Variants in ADGRL2 observed in about 807,000 individuals in gnomAD.
The protein encoded by ADGRL2 is adhesion G protein-coupled receptor L2, also known as calcium-independent alpha-latrotoxin receptor 2.
A neutral mutation model predicts 157.4 loss-of-function variants in ADGRL2; 44 were observed. The ratio of observed to expected loss-of-function variants is 0.28; its 90% CI spans 0.22 to 0.36. The LOEUF (loss-of-function observed/expected upper bound fraction) is 0.36, where lower values mean the gene tolerates loss of function less well. Among genes scored for constraint, ADGRL2 ranks in the 10% least tolerant of loss-of-function variants. ADGRL2 has a pLI of 1.00. For synonymous variants in ADGRL2, 585 were observed against 624.7 expected (o/e 0.94, Z 0.95); for missense variants, 1,510 against 1,768.9 (o/e 0.85, Z 2.63).
chr1:81,777,620 C>A (rs12087281), intron 2 of ADGRL2, among the ~76,000 whole-genome samples: 30,399 of 151,792 alleles, frequency 0.2, 3,322 homozygotes, highest in African/African-American at 0.29. Context: ...AAAATTAGCC[C>A]GGTGTCATGG....
chr1:81,609,591 G>A lies in ADGRL2; in HGVS notation c.-143+28611G>A, dbSNP rs74905343. On this transcript the variant is annotated intron_variant, in intron 3 of 24. Transcript: ENST00000370721. ...AAGCATGAGAGAGTTGATAAAACCC[G>A]TTCTGTGTCTTGATGGAGCACCACC... Among the ~76,000 whole-genome samples, 1,316 of 152,242 alleles carry A rather than the reference G, an allele frequency of 8.6e-3. 6 individuals are homozygous for A. The highest frequency in any genetic ancestry group is 0.017 in the Middle Eastern group (5 of 294).
intron 3 of ADGRL2, among the ~76,000 whole-genome samples, chr1:81,661,163 G>T (rs1456098097): frequency 1.3e-5 from 2 of 150,342 alleles, no homozygotes; most frequent in Non-Finnish European, 1.5e-5. Context: ...AATATCTTAG[G>T]TGTTTAAAGT....
At chr1:81,428,866 G>A (rs181595167) in intron 1 of ADGRL2, among the ~76,000 whole-genome samples, 1 of 152,264 alleles carries the variant, frequency 6.6e-6, no homozygotes, top group East Asian at 1.9e-4. Flanking sequence ...AAAGGGGAGA[G>A]AGAGGGACAG....
chr1:81,746,963 T>C (rs1557615493), intron 1 of ADGRL2, among the ~76,000 whole-genome samples: 2 of 120,364 alleles, frequency 1.7e-5, no homozygotes, highest in Admixed American at 7.7e-5. Flanking sequence ...TATACGTATA[T>C]ACACACGTAT....
At chr1:81,582,701 A>G (rs1289866196) in intron 3 of ADGRL2, among the ~76,000 whole-genome samples, 2 of 152,196 alleles carry the variant, frequency 1.3e-5, no homozygotes, top group East Asian at 1.9e-4. Context: ...AGCAAGTACT[A>G]TTAAAGTCAT....
Position 81,626,645 on chromosome 1 carries a change from C to T in ADGRL2, c.-143+45665C>T, listed in dbSNP as rs147232271. On this transcript the variant is annotated intron_variant, in intron 3 of 24. Coordinates refer to the ADGRL2 transcript ENST00000370721. ...CTCATGTAAAACATGTAAAAACACA[C>T]GCGGGCAGTTTAGCTGAAAACATTA... Among the ~76,000 whole-genome samples, 875 of 152,246 alleles carry T rather than the reference C, an allele frequency of 5.7e-3. 9 individuals carry two copies. The highest frequency in any genetic ancestry group is 0.019 in the African/African-American group (802 of 41,550).
rs115231523 is a variant in ADGRL2 at position 81,669,513 on chromosome 1, A to G, written c.-143+88533A>G. On this transcript the variant is annotated intron_variant, in intron 3 of 24. Transcript: ENST00000370721. The stretch of plus-strand genomic sequence containing the variant: ...TTTACTGTGTTTCAGTCACATAATT[A>G]GACAGATATGGTCCTTGTCCTCATG... 6.9e-3 allele frequency among the ~76,000 whole-genome samples: 1,049 copies of G among 152,334 alleles called. 21 individuals are homozygous for G. Among genetic ancestry groups the G allele is most frequent in the African/African-American group, 0.024 (1,009 of 41,570 alleles).
intron 1 of ADGRL2, among the ~76,000 whole-genome samples, chr1:81,738,256 T>G (rs2084966070): frequency 6.6e-6 from 1 of 152,186 alleles, no homozygotes; most frequent in Non-Finnish European, 1.5e-5. Flanking sequence ...GGGGTCCTAA[T>G]TCTCATGACT....
At chr1:81,794,892 A>C (rs1317260078) in intron 2 of ADGRL2, among the ~76,000 whole-genome samples, 2 of 152,234 alleles carry the variant, frequency 1.3e-5, no homozygotes, top group Non-Finnish European at 2.9e-5. Flanking sequence ...ATGCTCAGAC[A>C]TATTTATTTT....
chr1:81,569,415 A>G (rs1463475510), intron 2 of ADGRL2, among the ~76,000 whole-genome samples: 1 of 152,244 alleles, frequency 6.6e-6, no homozygotes, highest in Non-Finnish European at 1.5e-5. Flanking sequence ...ATGGCTTAAA[A>G]CAGTAAACTT....
chr1:81,926,299 T>C (rs537437365), intron 3 of ADGRL2, among the ~76,000 whole-genome samples: 1 of 152,026 alleles, frequency 6.6e-6, no homozygotes, highest in East Asian at 1.9e-4. Flanking sequence ...CAAAATCCCC[T>C]CACAATTCGA....
At position 81,561,909 on chromosome 1, in the gene ADGRL2, A is replaced by G. The variant is rs780639904; in HGVS notation, c.-247-18967A>G. On this transcript the variant is annotated intron_variant, in intron 2 of 24. Transcript: ENST00000370721. The stretch of plus-strand genomic sequence containing the variant: ...GAAGAGCAAGATTCTGCTTTGTTTC[A>G]TTGTTATTCTCAGCCAAATCTTCAT... Among the ~76,000 whole-genome samples, 5 of 152,166 alleles carry G rather than the reference A, an allele frequency of 3.3e-5. No individual in the cohort carries two copies. The East Asian group carries it at 5.8e-4, about 18-fold the overall frequency.
chr1:81,593,572 T>C (rs1334446907), intron 3 of ADGRL2, among the ~76,000 whole-genome samples: 1 of 152,226 alleles, frequency 6.6e-6, no homozygotes, highest in African/African-American at 2.4e-5. Flanking sequence ...TCTACTATCT[T>C]ATTTAAATGT....
intron 2 of ADGRL2, among the ~76,000 whole-genome samples, chr1:81,463,302 C>G (rs745918652): frequency 6.6e-6 from 1 of 151,684 alleles, no homozygotes; most frequent in Non-Finnish European, 1.5e-5. Context: ...CAAATTCTTC[C>G]TCAGTGAAAT....
chr1:81,501,171 T>A (rs2078838060), intron 2 of ADGRL2, among the ~76,000 whole-genome samples: 1 of 152,220 alleles, frequency 6.6e-6, no homozygotes, highest in South Asian at 2.1e-4. Context: ...TTGATACCTT[T>A]AATAGAGAAA....
At chr1:81,485,123 G>A (rs185683791) in intron 2 of ADGRL2, among the ~76,000 whole-genome samples, 296 of 151,102 alleles carry the variant, frequency 2.0e-3, no homozygotes, top group Non-Finnish European at 2.2e-3. Context: ...TGGAAATTAG[G>A]TCTAAAGAAG....
intron 2 of ADGRL2, among the ~76,000 whole-genome samples, chr1:81,453,660 A>G (rs1462643796): frequency 1.3e-5 from 2 of 152,202 alleles, no homozygotes; most frequent in Non-Finnish European, 2.9e-5. Context: ...TATTAAATAT[A>G]CAATGGTTTA....
chr1:81,334,876 T>C (rs1661522055), intron 1 of ADGRL2, among the ~76,000 whole-genome samples: 1 of 152,164 alleles, frequency 6.6e-6, no homozygotes, highest in Non-Finnish European at 1.5e-5. Context: ...CAGCAGAAGC[T>C]GAAGAGCAGG....
At chr1:81,847,266 C>T (rs190690617) in intron 2 of ADGRL2, among the ~76,000 whole-genome samples, 1 of 151,994 alleles carries the variant, frequency 6.6e-6, no homozygotes, top group African/African-American at 2.4e-5. Context: ...ATATAAATCA[C>T]TCAGGGATCT....
Sources: gnomAD v4.1 joint callset for allele counts (sites outside exome capture counted in the v4.1 genomes callset) on GRCh38, gnomAD v4.1.1 for gene constraint, MANE v1.5 for transcripts, NCBI Gene and HGNC (gene_info 2026-07-23, HGNC 2026-07-21) for gene names.